Variants in OAS1 observed in about 807,000 individuals in gnomAD.
The protein encoded by OAS1 is 2'-5'-oligoadenylate synthase 1.
OAS1 carries 24 observed loss-of-function variants against 38.5 expected under a neutral mutation model. That is an observed-to-expected ratio of 0.62 (90% CI 0.45 to 0.88). The LOEUF (loss-of-function observed/expected upper bound fraction) is 0.88, where lower values mean the gene tolerates loss of function less well. Among genes scored for constraint, OAS1 ranks in the 40% least tolerant of loss-of-function variants. The pLI is 0.00. For missense variants in OAS1, 482 were observed against 493.9 expected (o/e 0.98, Z 0.23); for synonymous variants, 169 against 193.9 (o/e 0.87, Z 1.07).
chr12:112,918,751 C>T (rs1396328007), intron 5 of OAS1: 2 of 410,872 alleles, frequency 4.9e-6, no homozygotes, highest in South Asian at 3.5e-5. Flanking sequence ...CTCATCTGAC[C>T]AATGGGAGAC....
At chr12:112,909,056 G>A (rs1593153458) in intron 2 of OAS1, 1 of 467,854 alleles carries the variant, frequency 2.1e-6, no homozygotes. Context: ...ACATCTGCAA[G>A]GCTTACTGGT....
rs768873305 is a variant in OAS1, at chr12:112,908,797, G to A, written c.442G>A (p.Asp148Asn). 4 of 1,603,010 alleles carry A rather than the reference G, an allele frequency of 2.5e-6. No homozygotes were observed. Among genetic ancestry groups the A allele is most frequent in the African/African-American group, 1.3e-5 (1 of 74,698 alleles). ...CCAGCTCGGGGAGGGGGTGGAGTTC[G>A]ATGTGCTGCCTGCCTTTGATGCCCT... ...SLQLGEGVEF[D>N]VLPAFDALGQ... is the part of the protein sequence containing the mutation. Residue 148 changes from aspartate to asparagine, a missense_variant, in exon 2 of 6, where the codon GAT (aspartate) becomes AAT (asparagine). By Grantham distance (23) the Asp-to-Asn change is conservative. Transcript: ENST00000202917.
Position 112,916,556 on chromosome 12 carries a change from C to G in OAS1, c.702C>G (p.Leu234=), listed in dbSNP as rs754961458. The G allele has an allele frequency of 2.5e-6, 4 of 1,614,154 alleles. No individual in the cohort carries two copies. The South Asian group carries it at 4.4e-5, about 18-fold the overall frequency. Residue 234 remains leucine (L), a synonymous_variant, in exon 4 of 6, where the codon CTC becomes CTG. Coordinates refer to ENST00000202917, the MANE Select transcript of OAS1 (RefSeq NM_016816.4). ...TGCCACCTCAGTATGCCCTGGAGCT[C>G]CTGACGGTCTATGCTTGGGAGCGAG... ...GKLPPQYALE[L]LTVYAWERGS...
chr12:112,908,565 C>T lies in OAS1; in HGVS notation c.210C>T (p.Leu70=). The change falls in exon 2 of 6, where the codon CTC becomes CTT. Residue 70 remains leucine, a synonymous_variant. Coordinates refer to ENST00000202917, the MANE Select transcript of OAS1 (RefSeq NM_016816.4). ...KGGSSGKGTT[L]RGRSDADLVV... The stretch of plus-strand genomic sequence containing the variant: ...GCTCCTCAGGCAAGGGCACCACCCT[C>T]AGAGGCCGATCTGACGCTGACCTGG... 1 of 1,614,094 alleles carries T rather than the reference C, an allele frequency of 6.2e-7. No individual in the cohort carries two copies. Among genetic ancestry groups the T allele is most frequent in the South Asian group, 1.1e-5 (1 of 91,078 alleles).
Position 112,919,894 on chromosome 12 carries a change from G to A in OAS1, c.*341G>A. 1.4e-6 allele frequency: 1 copy of A among 691,092 alleles called. No homozygotes were observed. The highest frequency in any genetic ancestry group is 2.8e-5 in the East Asian group (1 of 35,192). 42.8% of individuals were successfully genotyped at this position (691,092 alleles called of 1,614,324 possible). ...TATTATCAATAACAATAAAAATAAA[G>A]CAAATACCATTTATTGGGTGTTTAT... On this transcript the variant is annotated 3_prime_UTR_variant, in exon 6 of 6. Transcript: ENST00000202917.
intron 5 of OAS1, chr12:112,918,443 G>T: frequency 3.0e-6 from 1 of 330,586 alleles, no homozygotes; most frequent in Non-Finnish European, 6.1e-6. Flanking sequence ...ATCGTACTGC[G>T]ATAAACATAC....
chr12:112,914,298 G>A (rs984446424), intron 3 of OAS1, among the ~76,000 whole-genome samples: 6 of 152,168 alleles, frequency 3.9e-5, no homozygotes, highest in Non-Finnish European at 7.3e-5. Flanking sequence ...GTATTCCATG[G>A]TGTGTTTGTG....
At chr12:112,928,664 C>T (rs1227495431) in intron 6 of OAS1, among the ~76,000 whole-genome samples, 2 of 152,228 alleles carry the variant, frequency 1.3e-5, no homozygotes, top group African/African-American at 4.8e-5. Flanking sequence ...AACAGAGACA[C>T]ATGAAGCCAT....
At position 112,929,134 on chromosome 12, in the gene OAS1, T is replaced by C. The variant is rs553754168; in HGVS notation, c.1168-2744T>C. ...GACCCCATGCCAGAATTGTCACCCATGTGATTCACATCTGGACCAGAGGAA... is the reference window on the plus strand; with the variant it reads ...GACCCCATGCCAGAATTGTCACCCACGTGATTCACATCTGGACCAGAGGAA... On this transcript the variant is annotated intron_variant, in intron 6 of 6. Transcript: ENST00000540589. Among the ~76,000 whole-genome samples, 17 of 152,332 alleles carry C rather than the reference T, an allele frequency of 1.1e-4. No homozygotes were observed. The South Asian group carries it at 3.5e-3, about 32-fold the overall frequency.
At chr12:112,923,131 C>T (rs1397904885), downstream of OAS1, among the ~76,000 whole-genome samples, 1 of 152,140 alleles carries the variant, frequency 6.6e-6, no homozygotes, top group African/African-American at 2.4e-5. Context: ...ACGAATTTAT[C>T]CATTTATAGT....
At chr12:112,916,397 C>A in intron 3 of OAS1, 112 bp from the exon 4 acceptor site, 1 of 750,644 alleles carries the variant, frequency 1.3e-6, no homozygotes. Context: ...TGGATTCGTT[C>A]CAAGGAAACT....
intron 2 of OAS1, among the ~76,000 whole-genome samples, chr12:112,910,213 CA>C (rs2136299916): frequency 6.6e-6 from 1 of 151,954 alleles, no homozygotes; most frequent in African/African-American, 2.4e-5. Flanking sequence ...ACTAAAAATA[CA>C]AAAATTAGCT....
At chr12:112,922,784 A>G (rs1429814246), downstream of OAS1, among the ~76,000 whole-genome samples, 1 of 152,190 alleles carries the variant, frequency 6.6e-6, no homozygotes, top group Non-Finnish European at 1.5e-5. Flanking sequence ...CTCCACAGCA[A>G]TTCTGGAATT....
intron 6 of OAS1, among the ~76,000 whole-genome samples, chr12:112,930,697 C>T (rs1236439658): frequency 6.6e-6 from 1 of 152,252 alleles, no homozygotes; most frequent in African/African-American, 2.4e-5. Context: ...CCTCAAGAGC[C>T]TGACTCTGGC....
chr12:112,912,305 C>G (rs911328200), intron 3 of OAS1, among the ~76,000 whole-genome samples: 2 of 152,042 alleles, frequency 1.3e-5, no homozygotes, highest in African/African-American at 2.4e-5. Flanking sequence ...GCACTACTGC[C>G]CTCCAGCCTG....
At chr12:112,910,810 G>A (rs1565959613) in intron 2 of OAS1, among the ~76,000 whole-genome samples, 1 of 152,172 alleles carries the variant, frequency 6.6e-6, no homozygotes, top group African/African-American at 2.4e-5. Flanking sequence ...AGAACAGGCT[G>A]TGGGGGAACC....
intron 6 of OAS1, among the ~76,000 whole-genome samples, chr12:112,925,090 T>A (rs2043550538): frequency 6.6e-6 from 1 of 151,946 alleles, no homozygotes; most frequent in South Asian, 2.1e-4. Flanking sequence ...CCAACAGAAA[T>A]GAGAGTGAAG....
chr12:112,931,984 G>C, exon 7 of OAS1: 1 of 693,684 alleles, frequency 1.4e-6, no homozygotes, highest in South Asian at 1.5e-5. Flanking sequence ...TTTCCAGGTT[G>C]CTTAGGGAGG....
chr12:112,925,751 A>G (rs1242719682), intron 6 of OAS1, among the ~76,000 whole-genome samples: 1 of 152,160 alleles, frequency 6.6e-6, no homozygotes, highest in Non-Finnish European at 1.5e-5. Flanking sequence ...AAGCCGCTGC[A>G]CTCCAGCCTG....
Sources: allele counts gnomAD v4.1 joint callset (sites outside exome capture counted in the v4.1 genomes callset), GRCh38; gene constraint gnomAD v4.1.1; transcripts MANE v1.5; gene names NCBI Gene and HGNC (gene_info 2026-07-23, HGNC 2026-07-21).